ATG7: variants seen among roughly 807,000 people sequenced by gnomAD.
The protein encoded by ATG7 is ubiquitin-like modifier-activating enzyme ATG7.
Under a neutral mutation model 82.4 loss-of-function variants are expected in ATG7, and 70 were observed. That is an observed-to-expected ratio of 0.85 (90% CI 0.70 to 1.04). The LOEUF (loss-of-function observed/expected upper bound fraction) is 1.04, where lower values mean the gene tolerates loss of function less well. ATG7 is among the 50% of genes least tolerant of loss of function. ATG7 has a pLI of 0.00. For synonymous variants in ATG7, 287 were observed against 313.0 expected (o/e 0.92, Z 0.88); for missense variants, 792 against 864.3 (o/e 0.92, Z 1.05).
chr3:11,304,118 A>G (rs970728676), intron 5 of ATG7, among the ~76,000 whole-genome samples: 7 of 152,146 alleles, frequency 4.6e-5, no homozygotes, highest in South Asian at 2.1e-4. Flanking sequence ...TTTCTTTTCT[A>G]TGCCTCAAGT....
intron 3 of ATG7, among the ~76,000 whole-genome samples, chr3:11,290,873 C>T (rs1016817626): frequency 1.3e-5 from 2 of 151,910 alleles, no homozygotes; most frequent in Admixed American, 6.6e-5. Flanking sequence ...TTAGTGGAGA[C>T]GGGGTTTCGC....
intron 20 of ATG7, among the ~76,000 whole-genome samples, chr3:11,486,117 A>G (rs976490652): frequency 3.9e-5 from 6 of 152,182 alleles, no homozygotes; most frequent in Non-Finnish European, 7.3e-5. Context: ...CATTGAATCT[A>G]TAAATTACCT....
intron 20 of ATG7, among the ~76,000 whole-genome samples, chr3:11,533,191 A>G (rs1347670581): frequency 2.0e-5 from 3 of 150,914 alleles, no homozygotes; most frequent in African/African-American, 7.4e-5. Flanking sequence ...GCACTTTCTC[A>G]GGGTGGCCAT....
At chr3:11,307,888 T>G (rs1054461419) in intron 6 of ATG7, among the ~76,000 whole-genome samples, 1 of 152,210 alleles carries the variant, frequency 6.6e-6, no homozygotes, top group Non-Finnish European at 1.5e-5. Flanking sequence ...CAGCTGTGAC[T>G]CAGGAGAGGA....
At chr3:11,347,851 C>T (rs1331670789) in intron 13 of ATG7, 26 bp from the exon 14 acceptor site, 2 of 1,605,054 alleles carry the variant, frequency 1.2e-6, no homozygotes, top group Admixed American at 1.7e-5. Flanking sequence ...ATCAGAAACA[C>T]ACCATGATCT....
intron 19 of ATG7, among the ~76,000 whole-genome samples, chr3:11,399,850 AC>A (rs920081780): frequency 6.6e-6 from 1 of 152,146 alleles, no homozygotes; most frequent in African/African-American, 2.4e-5. Flanking sequence ...CTGGGATTAC[AC>A]GTGAGCCACA....
chr3:11,565,231 A>G, the ATG7 span, among the ~76,000 whole-genome samples: 27 of 152,214 alleles, frequency 1.8e-4, no homozygotes, highest in African/African-American at 5.5e-4. The surrounding 1 kb of genome is among the most constrained non-coding windows in gnomAD (Gnocchi z 4.1). Context: ...AGCGGAGTCC[A>G]AAGTCAGCTC....
chr3:11,287,439 G>A (rs186128376), intron 3 of ATG7, among the ~76,000 whole-genome samples: 1 of 152,184 alleles, frequency 6.6e-6, no homozygotes. Context: ...GGCCATGGGG[G>A]CCTGAGAGCG....
At chr3:11,315,915 CAG>C (rs1268156539) in intron 9 of ATG7, among the ~76,000 whole-genome samples, 2 of 152,050 alleles carry the variant, frequency 1.3e-5, no homozygotes, top group Admixed American at 6.6e-5. Flanking sequence ...TTAGTAGAGA[CAG>C]AGACGAGGTT....
At chr3:11,399,561 C>A (rs1184785508) in intron 19 of ATG7, among the ~76,000 whole-genome samples, 1 of 150,902 alleles carries the variant, frequency 6.6e-6, no homozygotes, top group South Asian at 2.1e-4. Flanking sequence ...TCCTTTCCTC[C>A]CTCCCTTCCT....
chr3:11,402,013 C>G (rs1298878324), intron 19 of ATG7, among the ~76,000 whole-genome samples: 1 of 152,066 alleles, frequency 6.6e-6, no homozygotes, highest in African/African-American at 2.4e-5. Flanking sequence ...AAGTGTACAA[C>G]TTGGTGGGTT....
At chr3:11,467,126 G>GA (rs933454795) in intron 20 of ATG7, among the ~76,000 whole-genome samples, 2 of 88,254 alleles carry the variant, frequency 2.3e-5, no homozygotes, top group African/African-American at 5.2e-5. Context: ...CCCCATCTCA[G>GA]AAAAAAACAA....
In ATG7 at chr3:11,504,190, A is replaced by G. The variant is rs1029905939; in HGVS notation, c.2080-50621A>G. On this transcript the variant is annotated intron_variant, in intron 20 of 20. Transcript: ENST00000693202. Reference sequence around the variant, plus strand: ...TGATATACAAAGAATAAAAAATCAGAGTTGTTTTTGGACTTCTGAATAACT... The same window carrying G: ...TGATATACAAAGAATAAAAAATCAGGGTTGTTTTTGGACTTCTGAATAACT... 3.3e-5 allele frequency among the ~76,000 whole-genome samples: 5 copies of G among 152,232 alleles called. No individual in the cohort carries two copies. The East Asian group carries it at 9.6e-4, about 29-fold the overall frequency.
chr3:11,340,736 G>A lies in ATG7; in HGVS notation c.980+1G>A. On this transcript the variant is annotated splice_donor_variant, in intron 12 of 20. Coordinates refer to ENST00000693202, the MANE Select transcript of ATG7 (RefSeq NM_001349232.2). LOFTEE classifies it high-confidence loss of function. ...TCAGTGAATGTATGGACCCTAAAAG[G>A]TATATTTGGGAAGCTGTTTTCTCCA... 6.2e-7 allele frequency: 1 copy of A among 1,612,476 alleles called. No homozygotes were observed. The highest frequency in any genetic ancestry group is 1.1e-5 in the South Asian group (1 of 90,876).
rs558702356 is a variant in ATG7 at position 11,377,127 on chromosome 3, T to C, written c.1876-2845T>C. Among the ~76,000 whole-genome samples the C allele has an allele frequency of 5.1e-4, 78 of 152,278 alleles. 1 individual carries two copies. Among genetic ancestry groups the C allele is most frequent in the Non-Finnish European group, 6.6e-4 (45 of 68,020 alleles). On this transcript the variant is annotated intron_variant, in intron 18 of 20. Transcript: ENST00000693202. The stretch of plus-strand genomic sequence containing the variant: ...ATTAGGAAAACTGACAGCTGAGCCT[T>C]TGCATTAGCTAGAAGGGAGGGAGCC...
chr3:11,361,027 T>G (rs2076248107), intron 16 of ATG7, among the ~76,000 whole-genome samples: 1 of 152,184 alleles, frequency 6.6e-6, no homozygotes, highest in African/African-American at 2.4e-5. Flanking sequence ...GAAAGCTTAT[T>G]GAGGAAACCA....
intron 18 of ATG7, among the ~76,000 whole-genome samples, chr3:11,367,642 G>C (rs1354506892): frequency 1.3e-5 from 2 of 151,986 alleles, no homozygotes; most frequent in African/African-American, 2.4e-5. Context: ...GACTGGCCAA[G>C]TGCCAAAAAA....
chr3:11,456,186 C>T (rs2085693474), intron 20 of ATG7, among the ~76,000 whole-genome samples: 2 of 152,164 alleles, frequency 1.3e-5, no homozygotes, highest in Admixed American at 6.5e-5. Context: ...ACTAATCTTT[C>T]GTCTCTTCGG....
At chr3:11,566,190 A>G in the ATG7 span, among the ~76,000 whole-genome samples, 1 of 152,166 alleles carries the variant, frequency 6.6e-6, no homozygotes, top group Non-Finnish European at 1.5e-5. Context: ...GCATGCACAC[A>G]GAATGTTACA....
Sources: allele counts gnomAD v4.1 joint callset (sites outside exome capture counted in the v4.1 genomes callset), GRCh38; gene constraint gnomAD v4.1.1; non-coding constraint Gnocchi (gnomAD v3.1); transcripts MANE v1.5; gene names NCBI Gene and HGNC (gene_info 2026-07-23, HGNC 2026-07-21).